SFRP1: variants seen among roughly 807,000 people sequenced by gnomAD.
SFRP1 encodes the protein secreted frizzled related protein 1.
A neutral mutation model predicts 25.9 loss-of-function variants in SFRP1; 9 were observed. The ratio of observed to expected loss-of-function variants is 0.35; its 90% CI spans 0.21 to 0.61. The LOEUF is 0.61. SFRP1 is among the 20% of genes least tolerant of loss of function. The pLI is 0.78. For synonymous variants in SFRP1, 178 were observed against 174.0 expected, an observed-to-expected ratio of 1.02 and a Z score of -0.18; for missense variants, 346 against 418.2, an observed-to-expected ratio of 0.83 and a Z score of 1.51.
intron 2 of SFRP1, among the ~76,000 whole-genome samples, chr8:41,282,291 G>A (rs1455259490): frequency 6.6e-6 from 1 of 152,240 alleles, no homozygotes; most frequent in Non-Finnish European, 1.5e-5. Flanking sequence ...CAAGGTTGGG[G>A]GATGGCTTGA....
At chr8:41,285,499 C>T (rs1803687482) in intron 2 of SFRP1, among the ~76,000 whole-genome samples, 1 of 152,232 alleles carries the variant, frequency 6.6e-6, no homozygotes, top group Non-Finnish European at 1.5e-5. Context: ...CTAAGCCCCA[C>T]TCCAGGCGGA....
At chr8:41,301,448 GA>G (rs141869268) in intron 2 of SFRP1, among the ~76,000 whole-genome samples, 23 of 151,146 alleles carry the variant, frequency 1.5e-4, no homozygotes, top group Admixed American at 3.9e-4. Context: ...CAGAGAGAGA[GA>G]AAAAAAAATC....
rs1020339177 is a variant in SFRP1 at position 41,265,211 on chromosome 8, T to C, written c.901A>G (p.Met301Val). Residue 301 changes from methionine to valine, a missense_variant, in exon 3 of 3, where the codon ATG becomes GTG. Coordinates refer to ENST00000220772, the MANE Select transcript of SFRP1 (RefSeq NM_003012.5). ...NKEFKNFMKKMKNHECPTFQS... is the reference protein window; with the variant it reads ...NKEFKNFMKKVKNHECPTFQS... ...AAGGTGGGGCACTCATGGTTTTTCA[T>C]TTTCTTCATGAAGTTTTTGAACTCC... 6.2e-7 allele frequency: 1 copy of C among 1,608,276 alleles called. No homozygotes were observed. The highest frequency in any genetic ancestry group is 8.5e-7 in the Non-Finnish European group (1 of 1,177,154).
intron 2 of SFRP1, among the ~76,000 whole-genome samples, chr8:41,270,069 G>C (rs1803485115): frequency 6.6e-6 from 1 of 152,288 alleles, no homozygotes; most frequent in African/African-American, 2.4e-5. Flanking sequence ...GCACTTCACT[G>C]GGTGATTAGG....
At chr8:41,274,997 T>C (rs961746676) in intron 2 of SFRP1, 19 of 297,316 alleles carry the variant, frequency 6.4e-5, no homozygotes, top group Non-Finnish European at 1.1e-4. Flanking sequence ...ACCAGCTTTT[T>C]GTTGTTTCCT....
At chr8:41,301,885 C>T (rs16890444) in intron 2 of SFRP1, among the ~76,000 whole-genome samples, 17,148 of 152,156 alleles carry the variant, frequency 0.11, 1,441 homozygotes, top group Admixed American at 0.2. Context: ...TGCCTGCTGC[C>T]GTGGGAAGAA....
chr8:41,305,841 A>C (rs1025459282), intron 1 of SFRP1, among the ~76,000 whole-genome samples: 1 of 152,040 alleles, frequency 6.6e-6, no homozygotes, highest in Admixed American at 6.5e-5. Context: ...TCCCTTTCTC[A>C]CACACAACCC....
chr8:41,272,031 A>C (rs1255060860), intron 2 of SFRP1, among the ~76,000 whole-genome samples: 1 of 152,198 alleles, frequency 6.6e-6, no homozygotes, highest in Non-Finnish European at 1.5e-5. Context: ...AAGAACAGAA[A>C]GCTATTAAAA....
chr8:41,306,919 A>G, intron 1 of SFRP1: 1 of 1,569,440 alleles, frequency 6.4e-7, no homozygotes, highest in Non-Finnish European at 8.6e-7. Flanking sequence ...AACCCGTCCA[A>G]TCCCCCCATG....
intron 2 of SFRP1, among the ~76,000 whole-genome samples, chr8:41,270,061 A>G (rs1803485015): frequency 1.3e-5 from 2 of 152,184 alleles, no homozygotes; most frequent in African/African-American, 4.8e-5. Flanking sequence ...AAACTAGAGC[A>G]CTTCACTGGG....
intron 2 of SFRP1, among the ~76,000 whole-genome samples, chr8:41,302,668 G>T (rs183547762): frequency 1.3e-5 from 2 of 152,144 alleles, no homozygotes; most frequent in African/African-American, 4.8e-5. Context: ...AAGGGGTGCC[G>T]TTTACATTTA....
chr8:41,269,973 A>C (rs573044303), intron 2 of SFRP1, among the ~76,000 whole-genome samples: 1 of 152,330 alleles, frequency 6.6e-6, no homozygotes, highest in Non-Finnish European at 1.5e-5. Context: ...GCCCAGTGTC[A>C]ATGAAGACCA....
chr8:41,308,216 G>A (rs948559479), intron 1 of SFRP1, among the ~76,000 whole-genome samples: 2 of 152,242 alleles, frequency 1.3e-5, no homozygotes, highest in African/African-American at 2.4e-5. Flanking sequence ...CGTCTCAGAG[G>A]TTAAAAACTT....
chr8:41,309,289 G>T lies in SFRP1; in HGVS notation c.-130C>A. 2 of 1,081,222 alleles carry T rather than the reference G, an allele frequency of 1.8e-6. No homozygotes were observed. Among genetic ancestry groups the T allele is most frequent in the Non-Finnish European group, 2.3e-6 (2 of 860,194 alleles). 67.0% of individuals were successfully genotyped at this position (1,081,222 alleles called of 1,614,324 possible). On this transcript the variant is annotated 5_prime_UTR_variant, in exon 1 of 3. Transcript: ENST00000220772. Reference sequence around the variant, plus strand: ...GTCCCCAGCGTTGCCCGGCTCCGCGGCCGCAAGCTGCTGCCCGGTCCCCCC... The same window carrying T: ...GTCCCCAGCGTTGCCCGGCTCCGCGTCCGCAAGCTGCTGCCCGGTCCCCCC...
At chr8:41,276,898 C>T (rs1585508460) in intron 2 of SFRP1, 3 of 456,038 alleles carry the variant, frequency 6.6e-6, no homozygotes, top group South Asian at 1.5e-5. Context: ...CACATATGAA[C>T]GCACACACGC....
chr8:41,294,152 G>C (rs1803811678), intron 2 of SFRP1, among the ~76,000 whole-genome samples: 1 of 152,150 alleles, frequency 6.6e-6, no homozygotes, highest in African/African-American at 2.4e-5. Flanking sequence ...GAGCACAGCG[G>C]GCTGGCACAG....
At chr8:41,303,072 AAG>A (rs1279082967) in intron 2 of SFRP1, among the ~76,000 whole-genome samples, 11 of 150,170 alleles carry the variant, frequency 7.3e-5, no homozygotes, top group African/African-American at 2.0e-4. Context: ...AAAAAAAAAA[AAG>A]AGCCAGTCCG....
intron 2 of SFRP1, among the ~76,000 whole-genome samples, chr8:41,291,926 G>C (rs1385659638): frequency 2.0e-5 from 3 of 152,132 alleles, no homozygotes; most frequent in East Asian, 3.9e-4. Context: ...ACAGGCCCCA[G>C]GAGTGGGGAC....
chr8:41,289,950 C>T (rs1282805387), intron 2 of SFRP1, among the ~76,000 whole-genome samples: 1 of 152,216 alleles, frequency 6.6e-6, no homozygotes, highest in Non-Finnish European at 1.5e-5. Context: ...CCAGTGGAGA[C>T]CAAGTCCCTG....
Sources: gnomAD v4.1 joint callset for allele counts (sites outside exome capture counted in the v4.1 genomes callset) on GRCh38, gnomAD v4.1.1 for gene constraint, MANE v1.5 for transcripts, NCBI Gene and HGNC (gene_info 2026-07-23, HGNC 2026-07-21) for gene names.